LARGE1: variants seen among roughly 807,000 people sequenced by gnomAD.
LARGE1 encodes LARGE xylosyl- and glucuronyltransferase 1.
In LARGE1, 43 loss-of-function variants were observed where a neutral mutation model predicts 87.6. The ratio of observed to expected loss-of-function variants is 0.49; its 90% CI spans 0.38 to 0.63. The LOEUF (loss-of-function observed/expected upper bound fraction) is 0.63. LARGE1 is among the 30% of genes least tolerant of loss of function. The probability of loss-of-function intolerance (pLI) is 0.00; values close to 1 mark genes in which losing one functional copy is unlikely to be tolerated. For synonymous variants in LARGE1, 434 were observed against 394.6 expected, an observed-to-expected ratio of 1.10 and a Z score of -1.18; for missense variants, 802 against 1,000.2, an observed-to-expected ratio of 0.80 and a Z score of 2.67.
intron 6 of LARGE1, among the ~76,000 whole-genome samples, chr22:33,499,684 T>C (rs1329513429): frequency 2.1e-5 from 3 of 143,328 alleles, no homozygotes; most frequent in Non-Finnish European, 4.6e-5. Flanking sequence ...CTTATAGGCA[T>C]GAGGAGTCCT....
chr22:33,840,944 T>C (rs982774428), intron 1 of LARGE1, among the ~76,000 whole-genome samples: 1 of 152,334 alleles, frequency 6.6e-6, no homozygotes, highest in Middle Eastern at 3.4e-3. Flanking sequence ...TTTATGATGA[T>C]GCAAAAGCAA....
exon 12 of LARGE1, chr22:33,163,824 T>C (rs898006504): frequency 6.6e-6 from 1 of 152,206 alleles, no homozygotes; most frequent in African/African-American, 2.4e-5. Flanking sequence ...TAGCAAGTGG[T>C]GAATAGTAAA....
chr22:33,174,257 A>C (rs1273129367), intron 11 of LARGE1, among the ~76,000 whole-genome samples: 1 of 152,210 alleles, frequency 6.6e-6, no homozygotes, highest in African/African-American at 2.4e-5. Flanking sequence ...TAAATAATGA[A>C]ATAAAGGCAG....
At chr22:33,081,465 T>C in the LARGE1 span, among the ~76,000 whole-genome samples, 1 of 152,092 alleles carries the variant, frequency 6.6e-6, no homozygotes, top group Non-Finnish European at 1.5e-5. Flanking sequence ...GCATGGCATC[T>C]TTGAGGAATA....
At chr22:33,100,241 G>T in the LARGE1 span, among the ~76,000 whole-genome samples, 20 of 151,458 alleles carry the variant, frequency 1.3e-4, no homozygotes, top group South Asian at 8.4e-4. Flanking sequence ...CCAGCTACTC[G>T]GGAGGCTGAG....
At chr22:33,399,291 C>A (rs2065859542) in intron 7 of LARGE1, among the ~76,000 whole-genome samples, 2 of 152,170 alleles carry the variant, frequency 1.3e-5, no homozygotes, top group Non-Finnish European at 2.9e-5. Context: ...CAGCTTCATC[C>A]ATGTCCCTGC....
chr22:33,461,322 T>C (rs977351404), intron 6 of LARGE1, among the ~76,000 whole-genome samples: 7 of 152,088 alleles, frequency 4.6e-5, no homozygotes, highest in Admixed American at 6.6e-5. Flanking sequence ...AAATAAAATA[T>C]GTCCCTAAAT....
chr22:33,509,887 T>C (rs2070972227), intron 6 of LARGE1, among the ~76,000 whole-genome samples: 1 of 152,226 alleles, frequency 6.6e-6, no homozygotes, highest in Non-Finnish European at 1.5e-5. Flanking sequence ...GAGCGGTGCA[T>C]GTTTACCTGG....
At chr22:33,858,239 C>G (rs531636269) in intron 1 of LARGE1, among the ~76,000 whole-genome samples, 2 of 152,334 alleles carry the variant, frequency 1.3e-5, no homozygotes, top group African/African-American at 4.8e-5. Context: ...GCCCAGTGGA[C>G]ATCCTGCTGG....
chr22:33,466,770 G>T (rs2068636448), intron 6 of LARGE1, among the ~76,000 whole-genome samples: 2 of 151,328 alleles, frequency 1.3e-5, no homozygotes, highest in African/African-American at 4.9e-5. Flanking sequence ...CAGGCATGGT[G>T]GCTCACGCCT....
the LARGE1 span, among the ~76,000 whole-genome samples, chr22:33,094,566 C>T: frequency 2.0e-5 from 3 of 152,184 alleles, no homozygotes; most frequent in East Asian, 1.9e-4. Flanking sequence ...CTCCACTTGA[C>T]ATAATGCCTT....
the LARGE1 span, among the ~76,000 whole-genome samples, chr22:33,088,196 T>C: frequency 6.6e-6 from 1 of 152,186 alleles, no homozygotes; most frequent in Admixed American, 6.5e-5. Flanking sequence ...ACAGAGATGA[T>C]ATCCAATTTT....
chr22:33,460,425 A>G (rs1043347300), intron 6 of LARGE1, among the ~76,000 whole-genome samples: 5 of 152,200 alleles, frequency 3.3e-5, no homozygotes, highest in Non-Finnish European at 5.9e-5. Flanking sequence ...GTCTGATACC[A>G]TAGAGAAAAA....
intron 9 of LARGE1, among the ~76,000 whole-genome samples, chr22:33,369,503 G>C (rs1027451262): frequency 1.3e-5 from 2 of 152,068 alleles, no homozygotes; most frequent in African/African-American, 4.8e-5. Context: ...ATAGATAACA[G>C]AGCCTTCTTA....
chr22:33,374,485 A>G (rs2064929511), intron 9 of LARGE1, among the ~76,000 whole-genome samples: 1 of 152,228 alleles, frequency 6.6e-6, no homozygotes, highest in Admixed American at 6.5e-5. Context: ...CTCTGGTTAC[A>G]TGAATGACTA....
chr22:33,717,202 T>C (rs1160957457), intron 2 of LARGE1, among the ~76,000 whole-genome samples: 1 of 152,140 alleles, frequency 6.6e-6, no homozygotes, highest in Admixed American at 6.5e-5. Flanking sequence ...CTTACCTTCC[T>C]ACCCATTCAT....
At chr22:33,572,188 T>C (rs1243231245) in intron 5 of LARGE1, 2 of 1,290,332 alleles carry the variant, frequency 1.5e-6, no homozygotes, top group South Asian at 2.5e-5. Context: ...CCTTGACATA[T>C]TTTAAAAAAT....
intron 12 of LARGE1, among the ~76,000 whole-genome samples, chr22:33,287,818 G>T (rs1931821755): frequency 6.6e-6 from 1 of 152,200 alleles, no homozygotes; most frequent in African/African-American, 2.4e-5. Flanking sequence ...GTGACTTTGG[G>T]TTACTCTATT....
In LARGE1 at chr22:33,718,571, G is replaced by A. The variant is rs542908976; in HGVS notation, c.106+42800C>T. ...GAAAACAACATGAGCTTTTTGGCTC[G>A]CCACATGGCCAGTGGGCTAAGTTCT... is the stretch of plus-strand genomic sequence containing the variant. On this transcript the variant is annotated intron_variant, in intron 2 of 14. Coordinates refer to ENST00000397394, the MANE Select transcript of LARGE1 (RefSeq NM_133642.5). 3.9e-5 allele frequency among the ~76,000 whole-genome samples: 6 copies of A among 152,308 alleles called. No homozygotes were observed. In the South Asian group the frequency reaches 6.2e-4, roughly 16 times the overall value.
Sources: gnomAD v4.1 joint callset for allele counts (sites outside exome capture counted in the v4.1 genomes callset) on GRCh38, gnomAD v4.1.1 for gene constraint, MANE v1.5 for transcripts, NCBI Gene and HGNC (gene_info 2026-07-23, HGNC 2026-07-21) for gene names.